The following CSMD1 variants were observed in gnomAD, a reference collection of about 807,000 sequenced individuals.
The protein encoded by CSMD1 is CUB and Sushi multiple domains 1, also known as CUB and sushi domain-containing protein 1.
A neutral mutation model predicts 417.5 loss-of-function variants in CSMD1; 213 were observed. The observed-to-expected ratio is 0.51, with a 90% confidence interval of 0.46 to 0.57. The LOEUF is 0.57. CSMD1 is among the 20% of genes least tolerant of loss of function. The pLI, the probability that CSMD1 is intolerant of heterozygous loss-of-function variation, is 0.00. For synonymous variants in CSMD1, 2,862 were observed against 1,736.8 expected, an observed-to-expected ratio of 1.65 and a Z score of -16.11; for missense variants, 6,923 against 4,529.7, an observed-to-expected ratio of 1.53 and a Z score of -15.17.
At chr8:4,229,410 A>G (rs1192526043) in intron 3 of CSMD1, among the ~76,000 whole-genome samples, 1 of 152,214 alleles carries the variant, frequency 6.6e-6, no homozygotes, top group African/African-American at 2.4e-5. Context: ...GCTAGATCAT[A>G]CCTACCACAA....
At chr8:4,393,079 G>A (rs569871498) in intron 3 of CSMD1, among the ~76,000 whole-genome samples, 55 of 152,192 alleles carry the variant, frequency 3.6e-4, no homozygotes, top group African/African-American at 8.9e-4. Flanking sequence ...GGGTTCAAGC[G>A]ATTCTCGTGC....
chr8:3,980,396 G>A (rs532133934), intron 5 of CSMD1, among the ~76,000 whole-genome samples: 6 of 152,172 alleles, frequency 3.9e-5, no homozygotes, highest in Admixed American at 1.3e-4. Flanking sequence ...TATTCCTGGC[G>A]GCATAAAATA....
At chr8:3,938,358 G>A (rs920162847) in intron 5 of CSMD1, among the ~76,000 whole-genome samples, 1 of 152,148 alleles carries the variant, frequency 6.6e-6, no homozygotes, top group African/African-American at 2.4e-5. Context: ...TAAAGTAATA[G>A]AGTCAAAACT....
At chr8:4,253,029 A>G (rs1803190230) in intron 3 of CSMD1, among the ~76,000 whole-genome samples, 1 of 152,224 alleles carries the variant, frequency 6.6e-6, no homozygotes, top group Admixed American at 6.5e-5. Context: ...CAGCTGAACA[A>G]AATTTTTCAT....
chr8:3,210,333 G>C (rs981107285), intron 30 of CSMD1, among the ~76,000 whole-genome samples: 2 of 83,024 alleles, frequency 2.4e-5, no homozygotes, highest in African/African-American at 5.4e-5. Flanking sequence ...TTGATGACTA[G>C]TAAAATAAAT....
At chr8:4,917,629 G>A (rs542488965) in intron 1 of CSMD1, among the ~76,000 whole-genome samples, 11 of 150,468 alleles carry the variant, frequency 7.3e-5, no homozygotes, top group East Asian at 4.0e-4. Flanking sequence ...GCGAGACTCC[G>A]TCTCAAAATA....
intron 3 of CSMD1, among the ~76,000 whole-genome samples, chr8:4,204,311 A>C (rs1482330533): frequency 6.6e-6 from 1 of 152,050 alleles, no homozygotes; most frequent in East Asian, 1.9e-4. Context: ...TCTTTCTCAG[A>C]ATCAGAATAG....
At chr8:4,077,899 G>A (rs954044145) in intron 3 of CSMD1, among the ~76,000 whole-genome samples, 2 of 152,026 alleles carry the variant, frequency 1.3e-5, no homozygotes, top group South Asian at 2.1e-4. Context: ...ATATAGCAAT[G>A]TCCTTCCCGA....
chr8:4,745,607 A>T (rs1184929509), intron 1 of CSMD1, among the ~76,000 whole-genome samples: 1 of 152,054 alleles, frequency 6.6e-6, no homozygotes, highest in Non-Finnish European at 1.5e-5. Context: ...AGAGAGAGAG[A>T]GGGAGAAGTA....
chr8:3,885,738 C>T (rs1806519751), intron 5 of CSMD1, among the ~76,000 whole-genome samples: 1 of 152,118 alleles, frequency 6.6e-6, no homozygotes, highest in African/African-American at 2.4e-5. Flanking sequence ...ATATCAGCCC[C>T]TTCTCCATCT....
At chr8:4,070,716 C>T (rs1027002967) in intron 3 of CSMD1, among the ~76,000 whole-genome samples, 1 of 152,134 alleles carries the variant, frequency 6.6e-6, no homozygotes, top group African/African-American at 2.4e-5. Context: ...CAGGTTGTTT[C>T]CATGAAGCCC....
At chr8:3,959,887 A>C (rs1343812985) in intron 5 of CSMD1, among the ~76,000 whole-genome samples, 1 of 152,212 alleles carries the variant, frequency 6.6e-6, no homozygotes, top group Non-Finnish European at 1.5e-5. Context: ...ATCTGCCTTC[A>C]TTCCTTTTAT....
intron 52 of CSMD1, among the ~76,000 whole-genome samples, chr8:3,003,360 G>C (rs1420215262): frequency 3.3e-5 from 5 of 151,892 alleles, no homozygotes; most frequent in African/African-American, 1.2e-4. Context: ...TGTAGTCTTG[G>C]TTTTGAGTCA....
chr8:4,280,687 A>C (rs570515882), intron 3 of CSMD1, among the ~76,000 whole-genome samples: 54 of 152,342 alleles, frequency 3.5e-4, no homozygotes, highest in African/African-American at 1.3e-3. Flanking sequence ...CCTTGTCTAG[A>C]TGAGCACAGC....
chr8:4,036,761 A>G (rs1389041571), intron 3 of CSMD1, among the ~76,000 whole-genome samples: 1 of 152,244 alleles, frequency 6.6e-6, no homozygotes, highest in Non-Finnish European at 1.5e-5. Flanking sequence ...AGGTCCTCAA[A>G]TAGCACTGTT....
intron 1 of CSMD1, among the ~76,000 whole-genome samples, chr8:4,902,156 A>C (rs991301755): frequency 6.6e-6 from 1 of 152,172 alleles, no homozygotes; most frequent in Non-Finnish European, 1.5e-5. Context: ...ATGCCTGTCA[A>C]CCCAGCTTTT....
rs183576537 is a variant in CSMD1 at position 3,425,353 on chromosome 8, G to T, written c.1562-15748C>A. Among the ~76,000 whole-genome samples the T allele has an allele frequency of 2.4e-3, 364 of 151,770 alleles. 2 individuals are homozygous for T. The highest frequency in any genetic ancestry group is 0.011 in the Middle Eastern group (3 of 284). ...GCCTGTAATCCCAGCACTTTGGGAG[G>T]CTGAGGTGCGTGGATCACGAGGTCA... On this transcript the variant is annotated intron_variant, in intron 12 of 69. Transcript: ENST00000635120.
In CSMD1 at chr8:4,034,562, G is replaced by C. The variant is rs759015036; in HGVS notation, c.416-2463C>G. Among the ~76,000 whole-genome samples, 3 of 152,018 alleles carry C rather than the reference G, an allele frequency of 2.0e-5. No homozygotes were observed. In the South Asian group the frequency reaches 6.2e-4, roughly 32 times the overall value. ...GAAGAAAAACTTTCCATTTTATCAGGGCAGCCCTTCAACTTTTGACTCAGA... is the reference window on the plus strand; with the variant it reads ...GAAGAAAAACTTTCCATTTTATCAGCGCAGCCCTTCAACTTTTGACTCAGA... On this transcript the variant is annotated intron_variant, in intron 3 of 69. Coordinates refer to ENST00000635120, the MANE Select transcript of CSMD1 (RefSeq NM_033225.6).
At chr8:3,315,342 T>G (rs1180461417) in intron 23 of CSMD1, among the ~76,000 whole-genome samples, 1 of 151,606 alleles carries the variant, frequency 6.6e-6, no homozygotes, top group Admixed American at 6.6e-5. Flanking sequence ...AATAATGAAT[T>G]TCCTGAAATG....
Sources: gnomAD v4.1 joint callset for allele counts (sites outside exome capture counted in the v4.1 genomes callset) on GRCh38, gnomAD v4.1.1 for gene constraint, MANE v1.5 for transcripts, NCBI Gene and HGNC (gene_info 2026-07-23, HGNC 2026-07-21) for gene names.